The following SCN11A variants were observed in gnomAD, a reference collection of about 807,000 sequenced individuals.
The protein encoded by SCN11A is sodium channel protein type 11 subunit alpha.
SCN11A carries 122 observed loss-of-function variants against 162.2 expected under a neutral mutation model. That is an observed-to-expected ratio of 0.75 (90% CI 0.65 to 0.87). SCN11A has a LOEUF of 0.87. SCN11A is among the 40% of genes least tolerant of loss of function. The probability of loss-of-function intolerance (pLI) is 0.00; values close to 1 mark genes in which losing one functional copy is unlikely to be tolerated. For synonymous variants in SCN11A, 758 were observed against 751.5 expected, an observed-to-expected ratio of 1.01 and a Z score of -0.14; for missense variants, 2,015 against 2,181.6, an observed-to-expected ratio of 0.92 and a Z score of 1.52.
chr3:38,883,443 A>G (rs530466272), intron 21 of SCN11A, 56 bp from the exon 22 acceptor site: 164 of 1,531,938 alleles, frequency 1.1e-4, no homozygotes, highest in Non-Finnish European at 1.1e-4. Flanking sequence ...CTGCATTAAA[A>G]TGCAACTCTT....
chr3:38,850,701 G>C lies in SCN11A; in HGVS notation c.4107C>G (p.Asp1369Glu). Residue 1369 changes from aspartate to glutamate, a missense_variant, in exon 29 of 30, where the codon GAC (aspartate) becomes GAG (glutamate). Transcript: ENST00000302328. ...GGATAATGAGACTTATGATGATGATGTCAAAGATCTGGCTTGTGACTATGT... is the reference window on the plus strand; with the variant it reads ...GGATAATGAGACTTATGATGATGATCTCAAAGATCTGGCTTGTGACTATGT... ...VFDIVTSQIFDIIIISLIILN... is the reference protein window; with the variant it reads ...VFDIVTSQIFEIIIISLIILN... The C allele has an allele frequency of 1.2e-6, 2 of 1,613,266 alleles. No homozygotes were observed. Among genetic ancestry groups the C allele is most frequent in the Admixed American group, 1.7e-5 (1 of 59,976 alleles).
chr3:38,960,142 G>T (rs558954850), intron 3 of SCN11A, among the ~76,000 whole-genome samples, 141 bp downstream of exon 3: 3 of 151,426 alleles, frequency 2.0e-5, no homozygotes, highest in Non-Finnish European at 4.4e-5. Flanking sequence ...TCTCGTACCC[G>T]CTCTCTGCTT....
At chr3:38,978,249 C>A (rs776552286) in intron 2 of SCN11A, among the ~76,000 whole-genome samples, 2 of 152,184 alleles carry the variant, frequency 1.3e-5, no homozygotes, top group African/African-American at 4.8e-5. Context: ...CTACCGAACA[C>A]CTGTATAACT....
At chr3:38,994,319 A>T (rs1216841430) in intron 2 of SCN11A, among the ~76,000 whole-genome samples, 1 of 152,234 alleles carries the variant, frequency 6.6e-6, no homozygotes, top group Non-Finnish European at 1.5e-5. Context: ...ACAGGATGGT[A>T]AAATGAGCAC....
Position 39,051,938 on chromosome 3 carries a change from C to A in SCN11A, c.-481G>T. ...ACAGCCTGTTTACCTTCAGCCCCGC[C>A]ACTAACCCTTGGCCAAAGGGAAAGG... On this transcript the variant is annotated 5_prime_UTR_variant, in exon 1 of 30. Transcript: ENST00000302328. The A allele has an allele frequency of 6.5e-7, 1 of 1,545,332 alleles. No individual in the cohort carries two copies. The highest frequency in any genetic ancestry group is 1.1e-5 in the South Asian group (1 of 88,930).
chr3:38,879,939 G>T lies in SCN11A; in HGVS notation c.3393+11C>A. On this transcript the variant is annotated intron_variant, in intron 23 of 29. Coordinates refer to ENST00000302328, the MANE Select transcript of SCN11A (RefSeq NM_001349253.2). The stretch of plus-strand genomic sequence containing the variant: ...CCCAGCCTGTGTGGGACACAGAGAT[G>T]GTAAACTTACAATCACAATGATGAA... 6.2e-7 allele frequency: 1 copy of T among 1,609,170 alleles called. No individual in the cohort carries two copies. The highest frequency in any genetic ancestry group is 1.1e-5 in the South Asian group (1 of 90,384).
intron 7 of SCN11A, among the ~76,000 whole-genome samples, chr3:38,944,440 C>T (rs1183023669): frequency 2.0e-5 from 3 of 151,856 alleles, no homozygotes; most frequent in African/African-American, 7.2e-5. Context: ...CATTCTCCTG[C>T]CTCAGCCTCC....
chr3:38,972,795 A>ATT (rs2066824322), intron 2 of SCN11A, among the ~76,000 whole-genome samples: 1 of 152,234 alleles, frequency 6.6e-6, no homozygotes, highest in Non-Finnish European at 1.5e-5. Context: ...ATAGAAAAAA[A>ATT]AAAGTCGTTC....
intron 11 of SCN11A, among the ~76,000 whole-genome samples, chr3:38,915,431 G>A (rs890700601): frequency 6.6e-6 from 1 of 152,044 alleles, no homozygotes; most frequent in Non-Finnish European, 1.5e-5. Context: ...TTTTTGATGT[G>A]GGCGTTTAGT....
intron 2 of SCN11A, among the ~76,000 whole-genome samples, chr3:39,029,572 G>A (rs904294324): frequency 2.0e-5 from 3 of 152,206 alleles, no homozygotes; most frequent in African/African-American, 7.2e-5. Context: ...CAAGGCAAAC[G>A]TAGTACAACT....
In SCN11A at chr3:38,950,115, G is replaced by T; in HGVS notation, c.248C>A (p.Pro83Gln). The T allele has an allele frequency of 6.4e-7, 1 of 1,557,780 alleles. No individual in the cohort carries two copies. Among genetic ancestry groups the T allele is most frequent in the Admixed American group, 1.9e-5 (1 of 53,336 alleles). ...AAGTACCTTATGATTTCGGTAGAAT[G>T]GGTCCAAGTCTTCCAGAGGCTTTCC... ...LIGKPLEDLD[P>Q]FYRNHKTFMV... is the part of the protein sequence containing the mutation. The change falls in exon 5 of 30, where the codon CCA (proline) becomes CAA (glutamine). Residue 83 changes from proline to glutamine, a missense_variant. Transcript: ENST00000302328.
chr3:38,849,125 G>A (rs747150000), intron 29 of SCN11A, among the ~76,000 whole-genome samples: 15 of 152,072 alleles, frequency 9.9e-5, no homozygotes, highest in South Asian at 2.1e-4. Context: ...AAACATTTCC[G>A]CAAAGTGCAT....
At chr3:38,939,103 G>A (rs967767859) in intron 7 of SCN11A, among the ~76,000 whole-genome samples, 5 of 152,064 alleles carry the variant, frequency 3.3e-5, no homozygotes, top group African/African-American at 1.2e-4. Context: ...AATCCAGGAG[G>A]CGAAGGCTGC....
chr3:38,996,763 T>G (rs1223812267), intron 2 of SCN11A, among the ~76,000 whole-genome samples: 1 of 152,138 alleles, frequency 6.6e-6, no homozygotes, highest in Non-Finnish European at 1.5e-5. Flanking sequence ...TTGTGTAAAT[T>G]TGCGGTTTCT....
chr3:38,943,173 C>T (rs541522689), intron 7 of SCN11A, among the ~76,000 whole-genome samples: 1 of 152,156 alleles, frequency 6.6e-6, no homozygotes, highest in East Asian at 1.9e-4. Flanking sequence ...AACATGGATG[C>T]ATCTCAAAGC....
intron 21 of SCN11A, 35 bp downstream of exon 21, chr3:38,885,253 T>C (rs1216651278): frequency 1.7e-6 from 2 of 1,195,804 alleles, no homozygotes; most frequent in Admixed American, 1.7e-5. Context: ...CATCCAAAGA[T>C]TCTGTGAACT....
At chr3:38,918,473 G>T (rs926420521) in intron 11 of SCN11A, among the ~76,000 whole-genome samples, 1 of 152,178 alleles carries the variant, frequency 6.6e-6, no homozygotes, top group Non-Finnish European at 1.5e-5. Context: ...TAGGTTGCAC[G>T]CTCCTTATGA....
rs779593034 is a variant in SCN11A, at chr3:38,897,133, A to G, written c.2115T>C (p.Thr705=). 7.4e-6 allele frequency: 12 copies of G among 1,614,164 alleles called. No homozygotes were observed. In the South Asian group the frequency reaches 1.3e-4, roughly 18 times the overall value. The change falls in exon 18 of 30, where the codon ACT becomes ACC. Residue 705 remains threonine, a synonymous_variant. Coordinates refer to ENST00000302328, the MANE Select transcript of SCN11A (RefSeq NM_001349253.2). ...GNSVGALGSL[T]VVLVIVIFIF... is the part of the protein sequence containing the mutation. Reference sequence around the variant, plus strand: ...TAAAGATCACAATGACCAGGACCACAGTCAGGCTTCCAAGGGCTCCGACAG... The same window carrying G: ...TAAAGATCACAATGACCAGGACCACGGTCAGGCTTCCAAGGGCTCCGACAG...
intron 2 of SCN11A, among the ~76,000 whole-genome samples, chr3:39,012,593 G>C (rs577269015): frequency 6.7e-6 from 1 of 150,184 alleles, no homozygotes; most frequent in African/African-American, 2.5e-5. Flanking sequence ...CAATTCTCCT[G>C]CCTCAGCCTC....
Sources: gnomAD v4.1 joint callset for allele counts (sites outside exome capture counted in the v4.1 genomes callset) on GRCh38, gnomAD v4.1.1 for gene constraint, MANE v1.5 for transcripts, NCBI Gene and HGNC (gene_info 2026-07-23, HGNC 2026-07-21) for gene names.